The following NDUFA10 variants were observed in gnomAD, a reference collection of about 807,000 sequenced individuals.
NDUFA10 encodes the protein NADH:ubiquinone oxidoreductase subunit A10.
A neutral mutation model predicts 47.8 loss-of-function variants in NDUFA10; 40 were observed. The observed-to-expected ratio is 0.84, with a 90% CI of 0.65 to 1.09. The LOEUF is 1.09. Among genes scored for constraint, NDUFA10 ranks in the 50% least tolerant of loss-of-function variants. The probability of loss-of-function intolerance (pLI) is 0.00; values close to 1 mark genes in which losing one functional copy is unlikely to be tolerated. For synonymous variants in NDUFA10, 183 were observed against 172.2 expected (o/e 1.06, Z -0.49); for missense variants, 413 against 451.1 (o/e 0.92, Z 0.76).
At chr2:239,910,619 T>C (rs1180999321) in intron 4 of NDUFA10, among the ~76,000 whole-genome samples, 2 of 152,062 alleles carry the variant, frequency 1.3e-5, no homozygotes, top group African/African-American at 4.8e-5. Context: ...CTGGGCTTAG[T>C]ACCTGGGTGA....
rs375767042 is a variant in NDUFA10 at position 240,018,862 on chromosome 2, G to A, written c.461-223C>T. ...AATATAACATCGTTTCATTAAGTCAGCTATAACAGAAAGCATCCGGTTAAT... is the reference window on the plus strand; with the variant it reads ...AATATAACATCGTTTCATTAAGTCAACTATAACAGAAAGCATCCGGTTAAT... On this transcript the variant is annotated intron_variant, in intron 3 of 9. Coordinates refer to ENST00000252711, the MANE Select transcript of NDUFA10 (RefSeq NM_004544.4). Among the ~76,000 whole-genome samples the A allele has an allele frequency of 1.1e-3, 163 of 152,276 alleles. 1 individual carries two copies. Among genetic ancestry groups the A allele is most frequent in the African/African-American group, 3.6e-3 (148 of 41,536 alleles).
chr2:239,938,408 A>G (rs1326034872), intron 4 of NDUFA10, among the ~76,000 whole-genome samples: 1 of 152,076 alleles, frequency 6.6e-6, no homozygotes, highest in Non-Finnish European at 1.5e-5. Flanking sequence ...ACCGACACAC[A>G]CGGGGTTTAT....
chr2:239,978,402 C>A (rs1238285860), intron 9 of NDUFA10, among the ~76,000 whole-genome samples: 1 of 152,224 alleles, frequency 6.6e-6, no homozygotes, highest in Non-Finnish European at 1.5e-5. Context: ...CTGACAGACA[C>A]TGAAGCTCCT....
At chr2:240,004,245 C>T (rs778156984) in intron 8 of NDUFA10, among the ~76,000 whole-genome samples, 7 of 152,080 alleles carry the variant, frequency 4.6e-5, no homozygotes, top group African/African-American at 1.2e-4. Context: ...AAGGGTCTGC[C>T]GCATCTGGAA....
chr2:239,989,435 C>T (rs1696154840), intron 9 of NDUFA10, among the ~76,000 whole-genome samples: 1 of 152,260 alleles, frequency 6.6e-6, no homozygotes, highest in Admixed American at 6.5e-5. Context: ...TAACAAACCA[C>T]AGCCACCACT....
intron 9 of NDUFA10, among the ~76,000 whole-genome samples, chr2:239,963,022 C>T (rs1382764432): frequency 3.3e-5 from 5 of 152,162 alleles, no homozygotes; most frequent in Non-Finnish European, 7.3e-5. Flanking sequence ...GGACAGACAT[C>T]CTAACTACAT....
At chr2:239,967,882 C>T (rs749335150) in intron 9 of NDUFA10, among the ~76,000 whole-genome samples, 2 of 152,146 alleles carry the variant, frequency 1.3e-5, no homozygotes, top group Non-Finnish European at 2.9e-5. Flanking sequence ...AATGAGGTTT[C>T]TCCCAGGCTC....
Position 240,025,306 on chromosome 2 carries a change from A to T in NDUFA10, c.-5T>A. ...CTTCAGGAGCCGCAAGGCCATGGCT[A>T]CCCGGTCAGCTCAGGATCAAGGACC... On this transcript the variant is annotated 5_prime_UTR_variant, in exon 1 of 10. Transcript: ENST00000252711. The T allele has an allele frequency of 6.6e-7, 1 of 1,505,434 alleles. No individual in the cohort carries two copies. The highest frequency in any genetic ancestry group is 8.8e-7 in the Non-Finnish European group (1 of 1,130,690). 93.3% of individuals were successfully genotyped at this position (1,505,434 alleles called of 1,614,324 possible).
intron 4 of NDUFA10, among the ~76,000 whole-genome samples, chr2:239,921,374 G>A (rs757450587): frequency 1.4e-5 from 2 of 140,234 alleles, no homozygotes; most frequent in Non-Finnish European, 3.0e-5. Flanking sequence ...GCGTGGAAAG[G>A]AACCCAAGCA....
intron 4 of NDUFA10, among the ~76,000 whole-genome samples, chr2:239,935,899 T>C (rs905061816): frequency 1.3e-5 from 2 of 152,238 alleles, no homozygotes; most frequent in Non-Finnish European, 2.9e-5. Context: ...TACCCGGTCT[T>C]GACCGGGTAT....
In NDUFA10 at chr2:239,988,863, C is replaced by A. The variant is rs185603569; in HGVS notation, c.999+1211G>T. On this transcript the variant is annotated intron_variant, in intron 9 of 9. Coordinates refer to ENST00000252711, the MANE Select transcript of NDUFA10 (RefSeq NM_004544.4). Reference sequence around the variant, plus strand: ...AGGACAGAAAGGGAGACACAGCACACACACTCACACACGTGTACAAGGACA... The same window carrying A: ...AGGACAGAAAGGGAGACACAGCACAAACACTCACACACGTGTACAAGGACA... 2.6e-3 allele frequency among the ~76,000 whole-genome samples: 395 copies of A among 151,882 alleles called. 1 individual carries two copies. The highest frequency in any genetic ancestry group is 6.8e-3 in the Middle Eastern group (2 of 294).
At chr2:239,937,968 G>T (rs955006856) in intron 4 of NDUFA10, among the ~76,000 whole-genome samples, 1 of 152,154 alleles carries the variant, frequency 6.6e-6, no homozygotes, top group Non-Finnish European at 1.5e-5. Flanking sequence ...GGGCCACCGA[G>T]CCATGGTTTA....
chr2:239,968,172 G>A (rs1293750964), intron 9 of NDUFA10, among the ~76,000 whole-genome samples: 1 of 152,220 alleles, frequency 6.6e-6, no homozygotes, highest in African/African-American at 2.4e-5. Context: ...GAAGGTGATG[G>A]AGGGCGAAAA....
At chr2:239,911,890 G>A (rs1180740179) in intron 4 of NDUFA10, among the ~76,000 whole-genome samples, 1 of 152,040 alleles carries the variant, frequency 6.6e-6, no homozygotes, top group Non-Finnish European at 1.5e-5. Flanking sequence ...AAGGAAGTGG[G>A]GGAGGCACCG....
intron 8 of NDUFA10, among the ~76,000 whole-genome samples, chr2:240,004,758 C>T (rs1696880938): frequency 6.6e-6 from 1 of 152,174 alleles, no homozygotes; most frequent in Non-Finnish European, 1.5e-5. Flanking sequence ...GCTCACCCCA[C>T]GGCCCACAGG....
At position 239,987,214 on chromosome 2, in the gene NDUFA10, C is replaced by T. The variant is rs570224608; in HGVS notation, c.999+2860G>A. ...GCCTGTGGACTGGACAGCAGTAACGCGTGATGCTCATTTCCTGACTCTGAC... is the reference window on the plus strand; with the variant it reads ...GCCTGTGGACTGGACAGCAGTAACGTGTGATGCTCATTTCCTGACTCTGAC... On this transcript the variant is annotated intron_variant, in intron 9 of 9. Coordinates refer to ENST00000252711, the MANE Select transcript of NDUFA10 (RefSeq NM_004544.4). This position sits in a 1 kb window ranked among gnomAD's most constrained non-coding sequence, Gnocchi z 4.8. Among the ~76,000 whole-genome samples the T allele has an allele frequency of 5.9e-5, 9 of 152,076 alleles. No homozygotes were observed. The highest frequency in any genetic ancestry group is 1.2e-4 in the Non-Finnish European group (8 of 68,016).
intron 5 of NDUFA10, chr2:240,014,164 G>A (rs1249648212): frequency 6.3e-6 from 1 of 159,584 alleles, no homozygotes; most frequent in African/African-American, 2.4e-5. Flanking sequence ...GCCGCCAACA[G>A]AGCTACCAAC....
chr2:239,904,825 G>A (rs1338978314), intron 4 of NDUFA10, among the ~76,000 whole-genome samples: 4 of 152,196 alleles, frequency 2.6e-5, no homozygotes, highest in Non-Finnish European at 4.4e-5. Flanking sequence ...TCTTCTCCTG[G>A]AGACTTCTAG....
chr2:239,983,445 C>T (rs778505061), intron 9 of NDUFA10: 4 of 1,513,408 alleles, frequency 2.6e-6, no homozygotes, highest in Non-Finnish European at 3.6e-6. Flanking sequence ...TTAATTTCAA[C>T]TGATCATTTT....
Sources: gnomAD v4.1 joint callset for allele counts (sites outside exome capture counted in the v4.1 genomes callset) on GRCh38, gnomAD v4.1.1 for gene constraint, Gnocchi (gnomAD v3.1) non-coding constraint, MANE v1.5 for transcripts, NCBI Gene and HGNC (gene_info 2026-07-23, HGNC 2026-07-21) for gene names.